Variants in B3GALT1 observed in about 807,000 individuals in gnomAD.
B3GALT1 encodes beta-1,3-galactosyltransferase 1, also known as UDP-Gal:betaGlcNAc beta 1,3-galactosyltransferase, polypeptide 1.
In B3GALT1, 10 loss-of-function variants were observed where a neutral mutation model predicts 23.2. That is an observed-to-expected ratio of 0.43 (90% CI 0.27 to 0.73). The LOEUF (loss-of-function observed/expected upper bound fraction) is 0.73, where lower values mean the gene tolerates loss of function less well. B3GALT1 is among the 30% of genes least tolerant of loss of function. B3GALT1 has a pLI of 0.21. For synonymous variants in B3GALT1, 156 were observed against 141.5 expected, an observed-to-expected ratio of 1.10 and a Z score of -0.73; for missense variants, 299 against 405.4, an observed-to-expected ratio of 0.74 and a Z score of 2.25.
chr2:167,635,189 T>C (rs1209518655), intron 2 of B3GALT1, among the ~76,000 whole-genome samples: 2 of 152,112 alleles, frequency 1.3e-5, no homozygotes, highest in Admixed American at 6.6e-5. Flanking sequence ...TAGGTATTGA[T>C]GGAACGTATC....
intron 3 of B3GALT1, among the ~76,000 whole-genome samples, chr2:167,784,218 CACTGCATCTGCAGA>C (rs1688299278): frequency 6.6e-6 from 1 of 152,226 alleles, no homozygotes; most frequent in Non-Finnish European, 1.5e-5. Flanking sequence ...CCACCCCCAT[CACTGCATCTGCAGA>C]TTGCTGGCTT....
intron 1 of B3GALT1, among the ~76,000 whole-genome samples, chr2:167,340,585 G>T (rs1029837806): frequency 6.6e-6 from 1 of 152,148 alleles, no homozygotes; most frequent in African/African-American, 2.4e-5. Flanking sequence ...CCAGGAAAAA[G>T]GCAAAGGAGA....
chr2:167,700,615 AC>A (rs1475059805), intron 3 of B3GALT1, among the ~76,000 whole-genome samples: 5 of 152,258 alleles, frequency 3.3e-5, no homozygotes, highest in South Asian at 2.1e-4. Context: ...TTAATGGAAC[AC>A]CCCTTTGCTG....
chr2:167,633,727 A>G (rs1283390136), intron 2 of B3GALT1, among the ~76,000 whole-genome samples: 2 of 151,952 alleles, frequency 1.3e-5, no homozygotes, highest in African/African-American at 4.8e-5. Context: ...ACTCCCACAC[A>G]ATAATCACAA....
chr2:167,537,032 A>G (rs1019095608), intron 2 of B3GALT1, among the ~76,000 whole-genome samples: 1 of 152,124 alleles, frequency 6.6e-6, no homozygotes, highest in African/African-American at 2.4e-5. Context: ...TGGTGATTGT[A>G]TTAGTCTGTT....
chr2:167,486,792 C>T (rs1353634140), intron 1 of B3GALT1, among the ~76,000 whole-genome samples: 1 of 149,354 alleles, frequency 6.7e-6, no homozygotes, highest in Non-Finnish European at 1.5e-5. Context: ...AGAACTGATA[C>T]TCACACTGGC....
chr2:167,495,921 G>A (rs982695301), intron 2 of B3GALT1, among the ~76,000 whole-genome samples: 1 of 152,116 alleles, frequency 6.6e-6, no homozygotes, highest in Non-Finnish European at 1.5e-5. Flanking sequence ...CTTTTAAAAG[G>A]CATAGAATCA....
At chr2:167,475,853 G>A (rs924401686) in intron 1 of B3GALT1, among the ~76,000 whole-genome samples, 1 of 152,126 alleles carries the variant, frequency 6.6e-6, no homozygotes, top group East Asian at 1.9e-4. Flanking sequence ...ATATGTTCCA[G>A]GCCTCTCTCC....
At chr2:167,767,250 A>C (rs1323338523) in intron 3 of B3GALT1, among the ~76,000 whole-genome samples, 1 of 152,178 alleles carries the variant, frequency 6.6e-6, no homozygotes, top group Non-Finnish European at 1.5e-5. Context: ...TGGGGCATCA[A>C]CAAATTTGAA....
chr2:167,550,120 A>T (rs1325729138), intron 2 of B3GALT1, among the ~76,000 whole-genome samples: 1 of 152,222 alleles, frequency 6.6e-6, no homozygotes, highest in African/African-American at 2.4e-5. Flanking sequence ...TTCTAATCTC[A>T]AAAGTCAACA....
chr2:167,407,214 G>A (rs991902519), intron 1 of B3GALT1, among the ~76,000 whole-genome samples: 3 of 151,922 alleles, frequency 2.0e-5, no homozygotes, highest in Non-Finnish European at 4.4e-5. Context: ...CAAACACATG[G>A]AAATAAAACA....
At chr2:167,641,013 C>T (rs1685644371) in intron 2 of B3GALT1, among the ~76,000 whole-genome samples, 1 of 152,152 alleles carries the variant, frequency 6.6e-6, no homozygotes, top group South Asian at 2.1e-4. Flanking sequence ...TCTATAAAAG[C>T]ATCTCAAAAT....
intron 3 of B3GALT1, among the ~76,000 whole-genome samples, chr2:167,759,596 C>T (rs894320044): frequency 2.0e-5 from 3 of 152,128 alleles, no homozygotes; most frequent in African/African-American, 7.2e-5. Context: ...CCAGAGAAGC[C>T]TCTACTGAGA....
At chr2:167,698,297 A>C (rs1192793241) in intron 3 of B3GALT1, among the ~76,000 whole-genome samples, 1 of 152,254 alleles carries the variant, frequency 6.6e-6, no homozygotes, top group Admixed American at 6.5e-5. Context: ...AGGTTCAAAA[A>C]TGCTCTGAGA....
chr2:167,392,843 A>T (rs1033959932), intron 1 of B3GALT1, among the ~76,000 whole-genome samples: 2 of 152,200 alleles, frequency 1.3e-5, no homozygotes, highest in Non-Finnish European at 2.9e-5. Context: ...AGAACAATCT[A>T]TAATCCATAT....
rs556965519 is a variant in B3GALT1, at chr2:167,834,065, T to C, written c.-230+15272T>C. On this transcript the variant is annotated intron_variant, in intron 4 of 4. Transcript: ENST00000392690. ...AGATTCTTATCTAAAAAAGGAACTT[T>C]GCTGCACAAAATAGGGTATGCTGGT... Among the ~76,000 whole-genome samples, 13 of 152,300 alleles carry C rather than the reference T, an allele frequency of 8.5e-5. No individual in the cohort carries two copies. The South Asian group carries it at 2.3e-3, about 27-fold the overall frequency.
chr2:167,817,742 G>C (rs1040024517), intron 3 of B3GALT1, among the ~76,000 whole-genome samples: 1 of 152,070 alleles, frequency 6.6e-6, no homozygotes, highest in African/African-American at 2.4e-5. Flanking sequence ...GCATTACCCA[G>C]AACTTACTCT....
intron 1 of B3GALT1, among the ~76,000 whole-genome samples, chr2:167,484,062 A>G (rs1699593769): frequency 6.6e-6 from 1 of 152,214 alleles, no homozygotes; most frequent in Non-Finnish European, 1.5e-5. Context: ...CTTACTTCAG[A>G]TATAAACATA....
At chr2:167,607,828 A>G (rs1298254837) in intron 2 of B3GALT1, among the ~76,000 whole-genome samples, 2 of 152,154 alleles carry the variant, frequency 1.3e-5, no homozygotes, top group Non-Finnish European at 2.9e-5. Context: ...AAAGAGTGCA[A>G]TTTTTAGCAA....
Sources: allele counts gnomAD v4.1 joint callset (sites outside exome capture counted in the v4.1 genomes callset), GRCh38; gene constraint gnomAD v4.1.1; transcripts MANE v1.5; gene names NCBI Gene and HGNC (gene_info 2026-07-23, HGNC 2026-07-21).